Variants in TBC1D8 observed in about 807,000 individuals in gnomAD.
TBC1D8 encodes BUB2-like protein 1.
A neutral mutation model predicts 118.8 loss-of-function variants in TBC1D8; 65 were observed. The ratio of observed to expected loss-of-function variants is 0.55; its 90% CI spans 0.45 to 0.67. The LOEUF is 0.67. Ranked by LOEUF, TBC1D8 falls within the 30% of genes least tolerant of loss-of-function variation. TBC1D8 has a pLI of 0.00. For synonymous variants in TBC1D8, 566 were observed against 595.8 expected (o/e 0.95, Z 0.73); for missense variants, 1,376 against 1,471.2 (o/e 0.94, Z 1.06).
chr2:101,034,774 T>A (rs1303598682), intron 9 of TBC1D8, among the ~76,000 whole-genome samples: 1 of 152,236 alleles, frequency 6.6e-6, no homozygotes, highest in Non-Finnish European at 1.5e-5. Context: ...ATGCCTTTAT[T>A]TTTCAACTAT....
intron 3 of TBC1D8, among the ~76,000 whole-genome samples, chr2:101,058,884 C>T (rs1487772219): frequency 6.7e-6 from 1 of 149,730 alleles, no homozygotes; most frequent in East Asian, 2.0e-4. Context: ...AAAACTAAGT[C>T]TGAGAATAAA....
chr2:101,132,642 G>A lies in TBC1D8; in HGVS notation c.127+18485C>T, dbSNP rs904195871. Among the ~76,000 whole-genome samples, 27 of 152,170 alleles carry A rather than the reference G, an allele frequency of 1.8e-4. 2 individuals are homozygous for A. Among genetic ancestry groups the A allele is most frequent in the Admixed American group, 1.5e-3 (23 of 15,272 alleles). On this transcript the variant is annotated intron_variant, in intron 1 of 19. Coordinates refer to ENST00000409318, the MANE Select transcript of TBC1D8 (RefSeq NM_001330348.2). ...CTCACTCTGCAGCCCAGGCTGGAGTGCAGTGGCATAAACACAGTTCACTGC... is the reference window on the plus strand; with the variant it reads ...CTCACTCTGCAGCCCAGGCTGGAGTACAGTGGCATAAACACAGTTCACTGC...
chr2:101,071,398 G>A (rs1361532767), intron 2 of TBC1D8, among the ~76,000 whole-genome samples: 7 of 147,572 alleles, frequency 4.7e-5, no homozygotes, highest in Non-Finnish European at 9.0e-5. Context: ...AATAAGCATC[G>A]GCCTTAAGGC....
chr2:101,040,125 G>C, intron 6 of TBC1D8, 53 bp downstream of exon 6: 1 of 1,575,326 alleles, frequency 6.3e-7, no homozygotes, highest in Non-Finnish European at 8.7e-7. Context: ...CAGCAACCTT[G>C]TGTTCAAACA....
In TBC1D8 at chr2:101,081,618, CA is replaced by C. The variant is rs1445437558; in HGVS notation, c.283+8590del. Among the ~76,000 whole-genome samples, 5 of 152,176 alleles carry C rather than the reference CA, an allele frequency of 3.3e-5. No individual in the cohort carries two copies. In the East Asian group the frequency reaches 9.6e-4, roughly 29 times the overall value. ...GGGAGGACCCCCACCCTGGCTGCCT[CA>C]AAGTAAGGCAATCAGGAAGTCCTCT... On this transcript the variant is annotated intron_variant, in intron 2 of 19. Transcript: ENST00000409318.
At position 101,010,962 on chromosome 2, in the gene TBC1D8, A is replaced by G. The variant is rs760465926; in HGVS notation, c.2982T>C (p.Asp994=). The G allele has an allele frequency of 5.0e-6, 8 of 1,612,466 alleles. No homozygotes were observed. The highest frequency in any genetic ancestry group is 1.6e-4 in the Middle Eastern group (1 of 6,082). The change falls in exon 19 of 20, where the codon GAT becomes GAC. Residue 994 remains aspartate, a synonymous_variant. Transcript: ENST00000409318. The part of the protein sequence containing the change: ...QMIKDLAKEK[D]KTEKELPKMS... ...TTTTGGGCAATTCTTTCTCAGTTTT[A>G]TCTTTTTCTTTGGCTAAATCCTTAA... is the stretch of plus-strand genomic sequence containing the variant.
intron 9 of TBC1D8, among the ~76,000 whole-genome samples, chr2:101,034,031 G>A (rs551313313): frequency 6.6e-6 from 1 of 152,266 alleles, no homozygotes; most frequent in South Asian, 2.1e-4. Flanking sequence ...AGGCATGGTG[G>A]TGGGTGCCTG....
At chr2:101,143,491 T>C (rs1295916668) in intron 1 of TBC1D8, among the ~76,000 whole-genome samples, 1 of 152,190 alleles carries the variant, frequency 6.6e-6, no homozygotes, top group African/African-American at 2.4e-5. Flanking sequence ...TGGCTGGTGA[T>C]ACACTAGAGG....
At chr2:101,008,931 C>T (rs185302246) in intron 19 of TBC1D8, among the ~76,000 whole-genome samples, 14 of 152,206 alleles carry the variant, frequency 9.2e-5, no homozygotes, top group Admixed American at 9.2e-4. Flanking sequence ...GGGCATGTTC[C>T]TCTGGTGGGA....
At chr2:101,109,362 C>G (rs1677434299) in intron 1 of TBC1D8, among the ~76,000 whole-genome samples, 1 of 151,890 alleles carries the variant, frequency 6.6e-6, no homozygotes, top group Non-Finnish European at 1.5e-5. Flanking sequence ...AATGGGCAAA[C>G]AAAAAACGGT....
intron 1 of TBC1D8, among the ~76,000 whole-genome samples, chr2:101,135,317 G>A (rs1678805494): frequency 6.6e-6 from 1 of 151,990 alleles, no homozygotes; most frequent in South Asian, 2.1e-4. Flanking sequence ...GCTAAATGAA[G>A]ACAATCAAAA....
intron 4 of TBC1D8, 59 bp downstream of exon 4, chr2:101,054,049 G>A (rs1573944651): frequency 1.4e-6 from 2 of 1,475,118 alleles, no homozygotes; most frequent in African/African-American, 1.4e-5. Flanking sequence ...CTTCCTGGGA[G>A]CAGCGCTGAG....
chr2:101,043,844 G>T (rs1266744317), intron 5 of TBC1D8, among the ~76,000 whole-genome samples: 1 of 152,128 alleles, frequency 6.6e-6, no homozygotes, highest in Non-Finnish European at 1.5e-5. Context: ...GGAGGCTGAG[G>T]CAAGAGAATC....
At chr2:101,094,616 T>TA (rs1163511294) in intron 1 of TBC1D8, among the ~76,000 whole-genome samples, 1 of 152,208 alleles carries the variant, frequency 6.6e-6, no homozygotes, top group Non-Finnish European at 1.5e-5. Flanking sequence ...AGTGACTTTT[T>TA]AACTGGAAAG....
At chr2:101,012,575 T>G (rs1453671426) in intron 17 of TBC1D8, among the ~76,000 whole-genome samples, 1 of 151,542 alleles carries the variant, frequency 6.6e-6, no homozygotes, top group Non-Finnish European at 1.5e-5. Flanking sequence ...TTCAGGGTGA[T>G]GCAATGGTCT....
At chr2:101,103,394 T>TA (rs1676993159) in intron 1 of TBC1D8, among the ~76,000 whole-genome samples, 1 of 149,914 alleles carries the variant, frequency 6.7e-6, no homozygotes, top group African/African-American at 2.4e-5. Flanking sequence ...TTCTTTTTTT[T>TA]TTTTTTTCTT....
intron 1 of TBC1D8, among the ~76,000 whole-genome samples, chr2:101,115,234 A>G (rs967839328): frequency 6.6e-6 from 1 of 152,254 alleles, no homozygotes; most frequent in Non-Finnish European, 1.5e-5. Flanking sequence ...GCCAACATCC[A>G]CAAACAGACA....
Position 101,021,681 on chromosome 2 carries a change from C to T in TBC1D8, c.2827G>A (p.Ala943Thr). 6.3e-7 allele frequency: 1 copy of T among 1,595,596 alleles called. No individual in the cohort carries two copies. Among genetic ancestry groups the T allele is most frequent in the Non-Finnish European group, 8.6e-7 (1 of 1,166,324 alleles). Reference protein sequence around the residue: ...KLLYRLHIPPALTENDRDSQS... With the variant: ...KLLYRLHIPPTLTENDRDSQS... ...GATTTTGCTACTTGGACTTTCTTAC[C>T]TGGAGGGATATGAAGCCTGTATAAT... The change falls in exon 17 of 20, where the codon GCA becomes ACA. Residue 943 changes from alanine (A) to threonine (T), a missense_variant and splice_region_variant. Physicochemically the swap from Ala to Thr is moderately conservative, Grantham distance 58. Coordinates refer to ENST00000409318, the MANE Select transcript of TBC1D8 (RefSeq NM_001330348.2).
intron 1 of TBC1D8, among the ~76,000 whole-genome samples, chr2:101,102,986 G>A (rs1197129065): frequency 6.6e-6 from 1 of 152,044 alleles, no homozygotes; most frequent in Non-Finnish European, 1.5e-5. Context: ...AGAGCAGAGG[G>A]AACACGCGAA....
Sources: gnomAD v4.1 joint callset for allele counts (sites outside exome capture counted in the v4.1 genomes callset) on GRCh38, gnomAD v4.1.1 for gene constraint, MANE v1.5 for transcripts, NCBI Gene and HGNC (gene_info 2026-07-23, HGNC 2026-07-21) for gene names.